CCDC187: variants seen among roughly 807,000 people sequenced by gnomAD.
CCDC187 encodes the protein coiled-coil domain containing 187.
Under a neutral mutation model 38.0 loss-of-function variants are expected in CCDC187, and 32 were observed. The ratio of observed to expected loss-of-function variants is 0.84; its 90% confidence interval spans 0.64 to 1.13. CCDC187 has a LOEUF of 1.13. Ranked by LOEUF, CCDC187 falls within the 50% of genes most tolerant of loss-of-function variation. The pLI, the probability that CCDC187 is intolerant of heterozygous loss-of-function variation, is 0.00. For missense variants in CCDC187, 707 were observed against 786.8 expected, an observed-to-expected ratio of 0.90 and a Z score of 1.21; for synonymous variants, 333 against 347.9, an observed-to-expected ratio of 0.96 and a Z score of 0.48.
chr9:136,272,838 C>A (rs1230423373), intron 14 of CCDC187, among the ~76,000 whole-genome samples: 3 of 152,112 alleles, frequency 2.0e-5, no homozygotes, highest in African/African-American at 7.2e-5. Context: ...CTCACCACTG[C>A]ACTCCAGCAT....
intron 19 of CCDC187, among the ~76,000 whole-genome samples, chr9:136,262,076 C>T (rs1353092142): frequency 6.6e-6 from 1 of 152,252 alleles, no homozygotes; most frequent in East Asian, 1.9e-4. Flanking sequence ...TAATGAGGCG[C>T]TTTTGTTGCA....
intron 4 of CCDC187, among the ~76,000 whole-genome samples, chr9:136,294,371 G>A (rs1443594392): frequency 6.6e-6 from 1 of 152,164 alleles, no homozygotes; most frequent in Admixed American, 6.5e-5. Context: ...ATTCCACCTG[G>A]CTCTGCAGGG....
Position 136,250,775 on chromosome 9 carries a change from GAC to G in CCDC187, c.*2817_*2818del, listed in dbSNP as rs1554759223. ...TGTGCACATGGTGAATGGGGACCCTGACACAGGCCGGCCATTGTTAACGGCAC... is the reference window on the plus strand; with the variant it reads ...TGTGCACATGGTGAATGGGGACCCTGACAGGCCGGCCATTGTTAACGGCAC... On this transcript the variant is annotated 3_prime_UTR_variant, in exon 26 of 26. Coordinates refer to ENST00000638797, the MANE Select transcript of CCDC187 (RefSeq NM_001378188.1). 1 of 456,330 alleles carries G rather than the reference GAC, an allele frequency of 2.2e-6. No homozygotes were observed. The highest frequency in any genetic ancestry group is 1.5e-5 in the South Asian group (1 of 64,576). The allele number at this position is 456,330 out of a possible 1,614,324, so 28.3% of individuals were successfully genotyped here. A position where few individuals can be genotyped will look rare whatever the true frequency, so the allele number is the denominator to read the frequency against.
intron 3 of CCDC187, among the ~76,000 whole-genome samples, chr9:136,298,367 G>A (rs1831586716): frequency 6.6e-6 from 1 of 152,194 alleles, no homozygotes; most frequent in Admixed American, 6.5e-5. Flanking sequence ...TCTGCCGATG[G>A]GGAGGAGATG....
upstream of CCDC187, among the ~76,000 whole-genome samples, chr9:136,304,272 C>T (rs1253929465): frequency 7.9e-5 from 12 of 152,134 alleles, no homozygotes; most frequent in African/African-American, 2.7e-4. Flanking sequence ...CCGGGCTGGG[C>T]TTGTGGGGTC....
rs1830587710 is a variant in CCDC187, at chr9:136,254,431, G to A, written c.5397C>T (p.Pro1799=). The A allele has an allele frequency of 1.0e-6, 1 of 985,230 alleles. No individual in the cohort carries two copies. Among genetic ancestry groups the A allele is most frequent in the Non-Finnish European group, 1.2e-6 (1 of 829,922 alleles). The allele number at this position is 985,230 out of a possible 1,614,324, so 61.0% of individuals were successfully genotyped here. Residue 1799 remains proline, a synonymous_variant, in exon 26 of 26, where the codon CCC becomes CCT. Transcript: ENST00000638797. ...ACCGTGGGGAGGGAGGAGCCACCTGGGGCTCCACGCCGCTTCCAAGGCCCA... is the reference window on the plus strand; with the variant it reads ...ACCGTGGGGAGGGAGGAGCCACCTGAGGCTCCACGCCGCTTCCAAGGCCCA... ...GSLGLGSGVE[P]QVAPPSPRSG... is the part of the protein sequence containing the mutation.
At chr9:136,289,091 A>T (rs1434551727) in intron 7 of CCDC187, among the ~76,000 whole-genome samples, 1 of 152,234 alleles carries the variant, frequency 6.6e-6, no homozygotes, top group Non-Finnish European at 1.5e-5. Context: ...CACAGACTCA[A>T]TGAAGTTCTG....
chr9:136,255,901 C>G (rs1319323117), intron 24 of CCDC187, among the ~76,000 whole-genome samples, 168 bp from the exon 25 acceptor site: 1 of 152,140 alleles, frequency 6.6e-6, no homozygotes, highest in South Asian at 2.1e-4. Context: ...AAGGGCTCCC[C>G]GAGGGCTTGT....
chr9:136,263,690 G>T lies in CCDC187; in HGVS notation c.3844C>A (p.Leu1282Ile), dbSNP rs1375124216. Residue 1282 changes from leucine (L) to isoleucine (I), a missense_variant, in exon 18 of 26, where the codon CTC becomes ATC. Coordinates refer to ENST00000638797, the MANE Select transcript of CCDC187 (RefSeq NM_001378188.1). The part of the protein sequence containing the change: ...VVSMPGPVDI[L>I]PIPGPTDVVP... ...ACGTCCGTGGGCCCCGGGATGGGGA[G>T]GATGTCCACAGGCCCCGGCATGGAG... The T allele has an allele frequency of 1.0e-6, 1 of 985,444 alleles. No homozygotes were observed. Among genetic ancestry groups the T allele is most frequent in the Non-Finnish European group, 1.2e-6 (1 of 829,918 alleles). The allele number at this position is 985,444 out of a possible 1,614,324, so 61.0% of individuals were successfully genotyped here.
chr9:136,302,854 C>T lies in CCDC187; in HGVS notation c.583G>A (p.Gly195Ser). Residue 195 changes from glycine to serine, a missense_variant, in exon 2 of 26, where the codon GGC (glycine) becomes AGC (serine). Coordinates refer to ENST00000638797, the MANE Select transcript of CCDC187 (RefSeq NM_001378188.1). ...KASTLMLRRK[G>S]QEAKNPPPAP... ...GGAGGGGGATTTTTTGCCTCTTGGC[C>T]TTTCCTCCTAAGCATCAGCGTGGAG... 2.5e-6 allele frequency: 1 copy of T among 398,792 alleles called. No individual in the cohort carries two copies. The highest frequency in any genetic ancestry group is 3.6e-5 in the East Asian group (1 of 28,078). The allele number at this position is 398,792 out of a possible 1,614,324, so 24.7% of individuals were successfully genotyped here.
rs78078529 is a variant in CCDC187 at position 136,274,658 on chromosome 9, C to A, written c.3442G>T (p.Glu1148Ter). 5,495 of 152,500 alleles carry A rather than the reference C, an allele frequency of 0.036. 103 individuals carry two copies. Among genetic ancestry groups the A allele is most frequent in the Middle Eastern group, 0.051 (15 of 296 alleles). 9.4% of individuals were successfully genotyped at this position (152,500 alleles called of 1,614,324 possible). A position where few individuals can be genotyped will look rare whatever the true frequency, so the allele number is the denominator to read the frequency against. The change falls in exon 14 of 26, where the codon GAG becomes TAG. Residue 1148 changes from glutamate to a stop codon, truncating the protein, a stop_gained and splice_region_variant. Coordinates refer to ENST00000638797, the MANE Select transcript of CCDC187 (RefSeq NM_001378188.1). LOFTEE classifies it high-confidence loss of function. ...GGTGGGGTTTTGAAGACACCGTCACCTGCAGAGGCTGGCTTGGCCACCACA... is the reference window on the plus strand; with the variant it reads ...GGTGGGGTTTTGAAGACACCGTCACATGCAGAGGCTGGCTTGGCCACCACA... ...ENVVAKPASA[E>*]VEGPDGALSQ...
At position 136,263,900 on chromosome 9, in the gene CCDC187, C is replaced by T. The variant is rs150864874; in HGVS notation, c.3736-102G>A. The T allele has an allele frequency of 2.1e-3, 1,736 of 813,710 alleles. 2 individuals are homozygous for T. The highest frequency in any genetic ancestry group is 5.5e-3 in the Middle Eastern group (9 of 1,630). The allele number at this position is 813,710 out of a possible 1,614,324, so 50.4% of individuals were successfully genotyped here. A position where few individuals can be genotyped will look rare whatever the true frequency, so the allele number is the denominator to read the frequency against. On this transcript the variant is annotated intron_variant, in intron 17 of 25. Transcript: ENST00000638797. ...GTCTGGGGGGATGCCCTGGCCCTCA[C>T]ACTGGGAGGCCTCCCTTTCCCTCCA...
chr9:136,250,560 A>G lies in CCDC187; in HGVS notation c.*3034T>C. The G allele has an allele frequency of 5.7e-6, 2 of 349,600 alleles. No individual in the cohort carries two copies. The highest frequency in any genetic ancestry group is 1.1e-5 in the Non-Finnish European group (2 of 176,008). 21.7% of individuals were successfully genotyped at this position (349,600 alleles called of 1,614,324 possible). The stretch of plus-strand genomic sequence containing the variant: ...AGCAATAAATGGAAAAAAATAAAAA[A>G]TCACAGACTAATTTGTTCAGAAGAC... On this transcript the variant is annotated 3_prime_UTR_variant, in exon 26 of 26. Coordinates refer to ENST00000638797, the MANE Select transcript of CCDC187 (RefSeq NM_001378188.1).
chr9:136,280,799 G>T (rs1476834187), intron 10 of CCDC187: 1 of 152,432 alleles, frequency 6.6e-6, no homozygotes, highest in Admixed American at 6.5e-5. Context: ...AGGCCTCCCC[G>T]CTGCCAGCCA....
rs548520042 is a variant in CCDC187 at position 136,258,131 on chromosome 9, C to T, written c.4366+801G>A. 3.9e-5 allele frequency among the ~76,000 whole-genome samples: 6 copies of T among 152,116 alleles called. No individual in the cohort carries two copies. Among genetic ancestry groups the T allele is most frequent in the Admixed American group, 2.6e-4 (4 of 15,286 alleles). On this transcript the variant is annotated intron_variant, in intron 22 of 25. Transcript: ENST00000638797. The surrounding 1 kb of genome is among the most constrained non-coding windows in gnomAD (Gnocchi z 4.3). ...GAACAGCGCAGGCCCGGAGGTGACG[C>T]GGGACACAGAGGGAAAGCGCTCTGT...
chr9:136,267,683 G>T (rs1450928855), intron 15 of CCDC187, 172 bp from the exon 16 acceptor site: 2 of 919,004 alleles, frequency 2.2e-6, no homozygotes, highest in Non-Finnish European at 2.6e-6. Flanking sequence ...ATCCCCCTAT[G>T]CCGCCCTCGC....
chr9:136,287,249 A>G (rs910606613), intron 7 of CCDC187, among the ~76,000 whole-genome samples: 3 of 152,202 alleles, frequency 2.0e-5, no homozygotes, highest in Non-Finnish European at 4.4e-5. Flanking sequence ...CAGCCACAAA[A>G]TGAAACTGGC....
rs1830719047 is a variant in CCDC187 at position 136,264,362 on chromosome 9, C to CGGCT, written c.3736-565_3736-564insAGCC. The CGGCT allele has an allele frequency of 1.3e-5, 2 of 152,350 alleles. No individual in the cohort carries two copies. Among genetic ancestry groups the CGGCT allele is most frequent in the South Asian group, 4.1e-4 (2 of 4,836 alleles). The allele number at this position is 152,350 out of a possible 1,614,324, so 9.4% of individuals were successfully genotyped here. ...GGCATCTCTATCTGCGACACGCAGC[C>CGGCT]TGGCTGTGGCTGGGAGTCCCTGGCC... On this transcript the variant is annotated intron_variant, in intron 17 of 25. Coordinates refer to ENST00000638797, the MANE Select transcript of CCDC187 (RefSeq NM_001378188.1). This position sits in a 1 kb window ranked among gnomAD's most constrained non-coding sequence, Gnocchi z 4.3.
Position 136,267,333 on chromosome 9 carries a change from G to T in CCDC187, c.3647+51C>A, listed in dbSNP as rs377752478. 3.3e-4 allele frequency: 322 copies of T among 976,818 alleles called. No homozygotes were observed. In the African/African-American group the frequency reaches 5.3e-3, roughly 16 times the overall value. 60.5% of individuals were successfully genotyped at this position (976,818 alleles called of 1,614,324 possible). A position where few individuals can be genotyped will look rare whatever the true frequency, so the allele number is the denominator to read the frequency against. ...GGGGCTACAGCAGGGCGGGGCTACA[G>T]CAGGGCGGGGCTACGGCGGGGCGGG... On this transcript the variant is annotated intron_variant, in intron 16 of 25. Coordinates refer to ENST00000638797, the MANE Select transcript of CCDC187 (RefSeq NM_001378188.1).
Sources: allele counts gnomAD v4.1 joint callset (sites outside exome capture counted in the v4.1 genomes callset), GRCh38; gene constraint gnomAD v4.1.1; non-coding constraint Gnocchi (gnomAD v3.1); transcripts MANE v1.5; gene names NCBI Gene and HGNC (gene_info 2026-07-23, HGNC 2026-07-21).